Variants in LRRC4C observed in about 807,000 individuals in gnomAD.
LRRC4C encodes the protein leucine rich repeat containing 4C.
Under a neutral mutation model 33.6 loss-of-function variants are expected in LRRC4C, and 5 were observed. The ratio of observed to expected loss-of-function variants is 0.15; its 90% confidence interval spans 0.08 to 0.31. LRRC4C has a LOEUF of 0.31. Among genes scored for constraint, LRRC4C ranks in the 10% least tolerant of loss-of-function variants. The pLI is 1.00. For synonymous variants in LRRC4C, 329 were observed against 302.0 expected (o/e 1.09, Z -0.93); for missense variants, 560 against 796.7 (o/e 0.70, Z 3.58).
chr11:40,518,423 A>C (rs1014771263), intron 3 of LRRC4C, among the ~76,000 whole-genome samples: 4 of 152,194 alleles, frequency 2.6e-5, no homozygotes, highest in Admixed American at 6.5e-5. Flanking sequence ...AGAAAAAAAC[A>C]ACCCCATCAA....
intron 2 of LRRC4C, among the ~76,000 whole-genome samples, chr11:40,679,889 C>T (rs1261257211): frequency 1.3e-5 from 2 of 152,126 alleles, no homozygotes. Context: ...GAGAAGAGGG[C>T]CACCATCCTC....
intron 1 of LRRC4C, among the ~76,000 whole-genome samples, chr11:41,105,127 T>C (rs1256368275): frequency 2.0e-5 from 3 of 152,032 alleles, no homozygotes; most frequent in Non-Finnish European, 4.4e-5. Context: ...TTAAGCACCC[T>C]ACATTATCTG....
chr11:41,060,393 T>G (rs1221518665), intron 1 of LRRC4C, among the ~76,000 whole-genome samples: 3 of 152,202 alleles, frequency 2.0e-5, no homozygotes, highest in African/African-American at 7.2e-5. Context: ...AATAAGACAT[T>G]AATTTTCTCA....
chr11:40,387,954 T>C (rs144084257), intron 3 of LRRC4C, among the ~76,000 whole-genome samples: 14 of 152,296 alleles, frequency 9.2e-5, no homozygotes, highest in African/African-American at 3.4e-4. Context: ...TTTTACCTCC[T>C]GTGCTTGGTG....
intron 1 of LRRC4C, among the ~76,000 whole-genome samples, chr11:41,232,472 G>T (rs921268027): frequency 2.0e-5 from 3 of 151,954 alleles, no homozygotes; most frequent in East Asian, 1.9e-4. Context: ...TAAGGGTGGG[G>T]ATTCCTGGTT....
At chr11:41,279,962 G>C (rs936538455) in intron 1 of LRRC4C, among the ~76,000 whole-genome samples, 1 of 151,758 alleles carries the variant, frequency 6.6e-6, no homozygotes, top group Non-Finnish European at 1.5e-5. Flanking sequence ...TTATTTTCCT[G>C]ATCTCTCAGT....
intron 1 of LRRC4C, among the ~76,000 whole-genome samples, chr11:41,243,464 T>C (rs1458669339): frequency 1.3e-5 from 2 of 152,194 alleles, no homozygotes; most frequent in African/African-American, 4.8e-5. Context: ...CTTCTCTCCT[T>C]CCTCAATGTT....
intron 4 of LRRC4C, among the ~76,000 whole-genome samples, chr11:40,242,638 A>G (rs1181019905): frequency 6.6e-6 from 1 of 152,182 alleles, no homozygotes; most frequent in East Asian, 1.9e-4. Flanking sequence ...GATTCGGTTC[A>G]TTTTTATGAC....
chr11:41,154,887 C>T (rs2135987197), intron 1 of LRRC4C, among the ~76,000 whole-genome samples: 1 of 152,192 alleles, frequency 6.6e-6, no homozygotes, highest in East Asian at 1.9e-4. Flanking sequence ...GAAGATAACT[C>T]ACTAGAGTGG....
intron 2 of LRRC4C, among the ~76,000 whole-genome samples, chr11:40,925,551 A>G (rs974805225): frequency 1.3e-5 from 2 of 152,194 alleles, no homozygotes; most frequent in Non-Finnish European, 2.9e-5. Context: ...CTTCTCAGAT[A>G]TTGAAGTTGT....
chr11:40,710,271 C>T (rs760200667), intron 2 of LRRC4C, among the ~76,000 whole-genome samples: 1 of 152,164 alleles, frequency 6.6e-6, no homozygotes. Flanking sequence ...AGATGGGACT[C>T]TCTGGTTTTT....
At chr11:40,223,409 G>A (rs1197109830) in intron 5 of LRRC4C, among the ~76,000 whole-genome samples, 1 of 152,108 alleles carries the variant, frequency 6.6e-6, no homozygotes, top group African/African-American at 2.4e-5. Flanking sequence ...AACATGTCAG[G>A]GCAATTGAAT....
intron 3 of LRRC4C, among the ~76,000 whole-genome samples, chr11:40,389,814 G>T (rs1565341712): frequency 6.6e-6 from 1 of 152,086 alleles, no homozygotes; most frequent in Non-Finnish European, 1.5e-5. Flanking sequence ...TAAGTAGCTG[G>T]ACCAGGCATA....
At chr11:41,404,246 T>G (rs1037547856) in intron 1 of LRRC4C, among the ~76,000 whole-genome samples, 2 of 151,982 alleles carry the variant, frequency 1.3e-5, no homozygotes, top group Non-Finnish European at 2.9e-5. Context: ...ATTCCCAAGT[T>G]TCCCCAAGCA....
intron 1 of LRRC4C, among the ~76,000 whole-genome samples, chr11:41,078,502 A>G (rs940590453): frequency 2.0e-5 from 3 of 152,192 alleles, no homozygotes; most frequent in Non-Finnish European, 2.9e-5. Context: ...GGAAACTTAC[A>G]ATCATAGCAG....
intron 3 of LRRC4C, among the ~76,000 whole-genome samples, chr11:40,410,174 A>G (rs1950106829): frequency 6.6e-6 from 1 of 152,012 alleles, no homozygotes; most frequent in Non-Finnish European, 1.5e-5. Context: ...GTCTAGAAAC[A>G]TGTTGTATAA....
intron 1 of LRRC4C, among the ~76,000 whole-genome samples, chr11:41,018,361 A>G (rs1855735171): frequency 6.6e-6 from 1 of 152,174 alleles, no homozygotes; most frequent in Non-Finnish European, 1.5e-5. Flanking sequence ...AAACACAGCT[A>G]CAGAAGTGTA....
At chr11:41,324,236 G>C (rs1300877541) in intron 1 of LRRC4C, among the ~76,000 whole-genome samples, 1 of 152,124 alleles carries the variant, frequency 6.6e-6, no homozygotes, top group Non-Finnish European at 1.5e-5. Flanking sequence ...TTCAAGACCA[G>C]CCTGACCAAC....
At chr11:40,457,116 GA>G (rs375831185) in intron 3 of LRRC4C, among the ~76,000 whole-genome samples, 6,138 of 123,978 alleles carry the variant, frequency 0.05, 412 homozygotes, top group African/African-American at 0.16. Flanking sequence ...AAAAAAAAAA[GA>G]AAAAAAAAAC....
Sources: gnomAD v4.1 joint callset for allele counts (sites outside exome capture counted in the v4.1 genomes callset) on GRCh38, gnomAD v4.1.1 for gene constraint, MANE v1.5 for transcripts, NCBI Gene and HGNC (gene_info 2026-07-23, HGNC 2026-07-21) for gene names.